RSRC1: variants seen among roughly 807,000 people sequenced by gnomAD.
The protein encoded by RSRC1 is serine/Arginine-related protein 53.
RSRC1 carries 39 observed loss-of-function variants against 49.1 expected under a neutral mutation model. That is an observed-to-expected ratio of 0.79 (90% CI 0.61 to 1.04). The LOEUF (loss-of-function observed/expected upper bound fraction) is 1.04, where lower values mean the gene tolerates loss of function less well. Ranked by LOEUF, RSRC1 falls within the 50% of genes least tolerant of loss-of-function variation. The probability of loss-of-function intolerance (pLI) is 0.00; values close to 1 mark genes in which losing one functional copy is unlikely to be tolerated. For synonymous variants in RSRC1, 143 were observed against 130.8 expected (o/e 1.09, Z -0.63); for missense variants, 388 against 402.4 (o/e 0.96, Z 0.31).
chr3:158,518,359 A>G (rs990118657), intron 7 of RSRC1, among the ~76,000 whole-genome samples: 2 of 143,732 alleles, frequency 1.4e-5, no homozygotes, highest in Non-Finnish European at 3.0e-5. Flanking sequence ...TCTTCTGAGT[A>G]TAGTGTTTAT....
intron 1 of RSRC1, among the ~76,000 whole-genome samples, chr3:158,113,471 C>T (rs889957779): frequency 2.6e-5 from 4 of 151,404 alleles, no homozygotes; most frequent in Non-Finnish European, 5.9e-5. Flanking sequence ...CTGGTTCAAG[C>T]AACTCTCCTG....
Position 158,195,653 on chromosome 3 carries a change from C to G in RSRC1, c.321-7419C>G, listed in dbSNP as rs144973007. On this transcript the variant is annotated intron_variant, in intron 3 of 9. Coordinates refer to ENST00000611884, the MANE Select transcript of RSRC1 (RefSeq NM_001271838.2). Reference sequence around the variant, plus strand: ...TAGGTCTAAGATTTAAGTCTATAATCCATGTTGAATTAATTTTTGTATAAG... The same window carrying G: ...TAGGTCTAAGATTTAAGTCTATAATGCATGTTGAATTAATTTTTGTATAAG... 1.8e-4 allele frequency among the ~76,000 whole-genome samples: 27 copies of G among 152,186 alleles called. No individual in the cohort carries two copies. The East Asian group carries it at 3.1e-3, about 17-fold the overall frequency.
At chr3:158,525,864 G>T (rs1044538254) in intron 7 of RSRC1, among the ~76,000 whole-genome samples, 2 of 151,894 alleles carry the variant, frequency 1.3e-5, no homozygotes, top group African/African-American at 4.8e-5. Flanking sequence ...GCAGATCTGT[G>T]GTTGTCTGGG....
intron 5 of RSRC1, among the ~76,000 whole-genome samples, chr3:158,339,966 G>A (rs1264372101): frequency 1.3e-5 from 2 of 152,196 alleles, no homozygotes; most frequent in African/African-American, 4.8e-5. Context: ...TACTTGAGCT[G>A]AGCTTTGAAA....
At chr3:158,273,278 A>C (rs187434886) in intron 4 of RSRC1, among the ~76,000 whole-genome samples, 5 of 152,212 alleles carry the variant, frequency 3.3e-5, no homozygotes, top group Admixed American at 3.3e-4. Context: ...TTAAATGTTC[A>C]AGGTAGTAAA....
chr3:158,416,883 A>G lies in RSRC1; in HGVS notation c.584-44052A>G, dbSNP rs115517021. ...GCCAATTAGTATTTTCTGCATAGGA[A>G]TAACACTTTAGAACGTATCTGAAGA... On this transcript the variant is annotated intron_variant, in intron 6 of 9. Transcript: ENST00000611884. 6.1e-3 allele frequency among the ~76,000 whole-genome samples: 923 copies of G among 152,202 alleles called. 2 individuals carry two copies. Among genetic ancestry groups the G allele is most frequent in the Non-Finnish European group, 0.011 (746 of 67,990 alleles).
rs1386441866 is a variant in RSRC1 at position 158,545,188 on chromosome 3, A to ATTTTTTTTTTTTTTT, written c.*917_*918insTTTTTTTTTTTTTTT. 12 of 58,782 alleles carry ATTTTTTTTTTTTTTT rather than the reference A, an allele frequency of 2.0e-4. No individual in the cohort carries two copies. Among genetic ancestry groups the ATTTTTTTTTTTTTTT allele is most frequent in the South Asian group, 5.5e-4 (1 of 1,820 alleles). The allele number at this position is 58,782 out of a possible 1,614,324, so 3.6% of individuals were successfully genotyped here. A position where few individuals can be genotyped will look rare whatever the true frequency, so the allele number is the denominator to read the frequency against. On this transcript the variant is annotated 3_prime_UTR_variant, in exon 10 of 10. Transcript: ENST00000611884. ...GCTGACATGAATATTTCCCGTTTCT[A>ATTTTTTTTTTTTTTT]TTTTCTTTTTTTTTTTTTTTTTTTT... is the stretch of plus-strand genomic sequence containing the variant.
intron 4 of RSRC1, among the ~76,000 whole-genome samples, chr3:158,204,099 T>G (rs2108280739): frequency 6.6e-6 from 1 of 152,296 alleles, no homozygotes; most frequent in Non-Finnish European, 1.5e-5. Context: ...TTATATTTAA[T>G]GTATTAGTTT....
chr3:158,373,314 A>G (rs1351199865), intron 6 of RSRC1, among the ~76,000 whole-genome samples: 2 of 151,922 alleles, frequency 1.3e-5, no homozygotes, highest in African/African-American at 2.4e-5. Flanking sequence ...TCTGATCCTA[A>G]TGAGAAAACA....
chr3:158,265,748 C>A (rs1017348945), intron 4 of RSRC1, among the ~76,000 whole-genome samples: 1 of 152,092 alleles, frequency 6.6e-6, no homozygotes, highest in South Asian at 2.1e-4. Flanking sequence ...TGATAAATTG[C>A]AATTTATCAG....
At chr3:158,355,044 T>A (rs936357979) in intron 6 of RSRC1, 136 bp downstream of exon 6, 3 of 533,694 alleles carry the variant, frequency 5.6e-6, no homozygotes, top group Admixed American at 3.9e-5. Flanking sequence ...CTAGATTATA[T>A]GTATGGCCAT....
intron 7 of RSRC1, among the ~76,000 whole-genome samples, chr3:158,479,208 A>T (rs1738511731): frequency 6.7e-6 from 1 of 149,802 alleles, no homozygotes; most frequent in Admixed American, 6.7e-5. Context: ...TATCTTGATT[A>T]TGCTTTTAAA....
At chr3:158,165,342 C>T (rs1718471816) in intron 3 of RSRC1, among the ~76,000 whole-genome samples, 1 of 152,176 alleles carries the variant, frequency 6.6e-6, no homozygotes, top group Non-Finnish European at 1.5e-5. Context: ...GCTGTTTGAG[C>T]ATAGCTCATA....
chr3:158,526,775 C>G (rs1052336023), intron 7 of RSRC1, among the ~76,000 whole-genome samples: 1 of 151,936 alleles, frequency 6.6e-6, no homozygotes, highest in African/African-American at 2.4e-5. Flanking sequence ...GACATTAGAA[C>G]TCATAACTTT....
At chr3:158,198,802 G>A (rs974075446) in intron 3 of RSRC1, among the ~76,000 whole-genome samples, 1 of 152,060 alleles carries the variant, frequency 6.6e-6, no homozygotes, top group African/African-American at 2.4e-5. Flanking sequence ...GGCCATCTTG[G>A]CTCCACCCCC....
chr3:158,291,733 G>A (rs1726946090), intron 4 of RSRC1, among the ~76,000 whole-genome samples: 1 of 152,032 alleles, frequency 6.6e-6, no homozygotes, highest in African/African-American at 2.4e-5. Flanking sequence ...ATTAAGTGTG[G>A]CTCCTTAACC....
chr3:158,415,159 G>A (rs1045898977), intron 6 of RSRC1, among the ~76,000 whole-genome samples: 1 of 152,066 alleles, frequency 6.6e-6, no homozygotes, highest in Non-Finnish European at 1.5e-5. Context: ...GTGTGAGATA[G>A]GAAAGCAGGA....
intron 4 of RSRC1, among the ~76,000 whole-genome samples, chr3:158,285,997 A>G (rs1726529355): frequency 6.6e-6 from 1 of 152,026 alleles, no homozygotes; most frequent in Non-Finnish European, 1.5e-5. Context: ...CTTTTATTTT[A>G]TAGATCTTTA....
At chr3:158,264,799 C>A (rs991759951) in intron 4 of RSRC1, among the ~76,000 whole-genome samples, 2 of 152,152 alleles carry the variant, frequency 1.3e-5, no homozygotes, top group Admixed American at 6.6e-5. Context: ...GAGGAATGAA[C>A]GTCCTGGGTA....
Sources: allele counts gnomAD v4.1 joint callset (sites outside exome capture counted in the v4.1 genomes callset), GRCh38; gene constraint gnomAD v4.1.1; transcripts MANE v1.5; gene names NCBI Gene and HGNC (gene_info 2026-07-23, HGNC 2026-07-21).